Variants in PDE12 observed in about 807,000 individuals in gnomAD.
PDE12 encodes phosphodiesterase 12.
A neutral mutation model predicts 45.4 loss-of-function variants in PDE12; 26 were observed. The observed-to-expected ratio is 0.57, with a 90% CI of 0.42 to 0.79. The LOEUF is 0.79. Ranked by LOEUF, PDE12 falls within the 30% of genes least tolerant of loss-of-function variation. The pLI, the probability that PDE12 is intolerant of heterozygous loss-of-function variation, is 0.00. For synonymous variants in PDE12, 283 were observed against 323.9 expected, an observed-to-expected ratio of 0.87 and a Z score of 1.36; for missense variants, 668 against 790.0, an observed-to-expected ratio of 0.85 and a Z score of 1.85.
the PDE12 span, among the ~76,000 whole-genome samples, chr3:57,636,936 CAAAAA>C: frequency 4.0e-4 from 21 of 52,008 alleles, no homozygotes; most frequent in East Asian, 6.4e-4. Context: ...GACTCTGTCT[CAAAAA>C]AAAAAAAAAA....
the PDE12 span, chr3:57,584,384 CAATGGTAGG>C: frequency 6.2e-7 from 1 of 1,604,980 alleles, no homozygotes; most frequent in African/African-American, 1.3e-5. Flanking sequence ...ACTTTCTTAC[CAATGGTAGG>C]AATGGTGGTG....
At chr3:57,630,625 T>G in the PDE12 span, 55 of 1,532,286 alleles carry the variant, frequency 3.6e-5, 1 homozygote, top group African/African-American at 7.3e-4. Flanking sequence ...TAGTAGAATT[T>G]TTTAAAAAGA....
At chr3:57,641,902 C>T in the PDE12 span, among the ~76,000 whole-genome samples, 1 of 151,906 alleles carries the variant, frequency 6.6e-6, no homozygotes, top group Non-Finnish European at 1.5e-5. Context: ...CCAGGCAACA[C>T]GTTTTACACT....
chr3:57,566,361 CACATTTGTCCATTCATTAGTTGACAG>C lies in PDE12; in HGVS notation c.*6365_*6390del, dbSNP rs1272350156. On this transcript the variant is annotated 3_prime_UTR_variant, in exon 3 of 3. Coordinates refer to ENST00000311180, the MANE Select transcript of PDE12 (RefSeq NM_177966.7). ...TGAATGTTCCATCTTATGGACGTAC[CACATTTGTCCATTCATTAGTTGACAG>C]ACATTTGAATTGCTTCCACTTCCTG... 1.3e-5 allele frequency: 2 copies of C among 152,088 alleles called. No homozygotes were observed. Among genetic ancestry groups the C allele is most frequent in the Non-Finnish European group, 2.9e-5 (2 of 68,028 alleles). 9.4% of individuals were successfully genotyped at this position (152,088 alleles called of 1,614,324 possible).
chr3:57,577,006 A>G, the PDE12 span, among the ~76,000 whole-genome samples: 2 of 151,984 alleles, frequency 1.3e-5, no homozygotes, highest in East Asian at 3.9e-4. Flanking sequence ...GAGCTAAATC[A>G]GATATCCTCA....
the PDE12 span, among the ~76,000 whole-genome samples, chr3:57,580,750 G>T: frequency 6.7e-6 from 1 of 149,888 alleles, no homozygotes; most frequent in Non-Finnish European, 1.5e-5. Context: ...ATTTTATTTT[G>T]ACTGCTAACT....
the PDE12 span, among the ~76,000 whole-genome samples, chr3:57,623,675 T>C: frequency 6.6e-6 from 1 of 152,058 alleles, no homozygotes; most frequent in Non-Finnish European, 1.5e-5. Context: ...CAAGACTCCC[T>C]CTCAAAAAAA....
the PDE12 span, among the ~76,000 whole-genome samples, chr3:57,616,214 C>T: frequency 2.0e-5 from 3 of 152,074 alleles, no homozygotes; most frequent in South Asian, 2.1e-4. Context: ...CTCCCAGCTA[C>T]TCAGGAGGCT....
At chr3:57,630,133 C>A in the PDE12 span, among the ~76,000 whole-genome samples, 2 of 152,342 alleles carry the variant, frequency 1.3e-5, no homozygotes, top group East Asian at 3.9e-4. Flanking sequence ...GTTGGCTCCA[C>A]TACTTAGCAG....
At chr3:57,617,811 G>A in the PDE12 span, among the ~76,000 whole-genome samples, 3 of 151,810 alleles carry the variant, frequency 2.0e-5, no homozygotes, top group African/African-American at 7.3e-5. Flanking sequence ...AGGCTGCAGT[G>A]AGCTGAGATA....
At chr3:57,585,020 C>T in the PDE12 span, among the ~76,000 whole-genome samples, 5 of 152,154 alleles carry the variant, frequency 3.3e-5, no homozygotes, top group African/African-American at 9.6e-5. Context: ...CCCACCACCA[C>T]GCCCGGCTAA....
the PDE12 span, among the ~76,000 whole-genome samples, chr3:57,643,474 G>C: frequency 6.6e-6 from 1 of 152,104 alleles, no homozygotes; most frequent in Non-Finnish European, 1.5e-5. Flanking sequence ...ATATTGGCTA[G>C]AAAGATATAT....
chr3:57,556,988 C>T lies in PDE12; in HGVS notation c.609C>T (p.Pro203=), dbSNP rs2069669693. 2.5e-6 allele frequency: 4 copies of T among 1,614,146 alleles called. No homozygotes were observed. The highest frequency in any genetic ancestry group is 3.3e-5 in the Admixed American group (2 of 60,022). ...SLFRWYKEAK[P]GAAEPEVGVP... is the part of the protein sequence containing the mutation. ...TCCGCTGGTATAAGGAAGCCAAGCC[C>T]GGAGCGGCGGAGCCCGAGGTCGGTG... Residue 203 remains proline (P), a synonymous_variant, in exon 1 of 3, where the codon CCC becomes CCT. Transcript: ENST00000311180. The surrounding 1 kb of genome is among the most constrained non-coding windows in gnomAD (Gnocchi z 5.0).
the PDE12 span, among the ~76,000 whole-genome samples, chr3:57,615,854 C>T: frequency 1.3e-5 from 2 of 151,632 alleles, no homozygotes; most frequent in African/African-American, 2.4e-5. Context: ...ATAACCAAAA[C>T]GTGGTTATTT....
At chr3:57,567,659 A>C (rs1393133893), downstream of PDE12, among the ~76,000 whole-genome samples, 1 of 152,184 alleles carries the variant, frequency 6.6e-6, no homozygotes, top group East Asian at 1.9e-4. Context: ...ATCCTCAGGT[A>C]ATGAACTTAC....
the PDE12 span, among the ~76,000 whole-genome samples, chr3:57,653,526 G>A: frequency 1.6e-4 from 24 of 151,974 alleles, no homozygotes; most frequent in Non-Finnish European, 2.4e-4. Flanking sequence ...CGGGCAGATC[G>A]TGAGGTCAGG....
chr3:57,591,154 G>A, the PDE12 span, among the ~76,000 whole-genome samples: 1 of 152,134 alleles, frequency 6.6e-6, no homozygotes, highest in Non-Finnish European at 1.5e-5. Context: ...AAATGGAAAT[G>A]TTTGTCAGGT....
At chr3:57,581,484 G>A in the PDE12 span, among the ~76,000 whole-genome samples, 1 of 152,164 alleles carries the variant, frequency 6.6e-6, no homozygotes, top group Non-Finnish European at 1.5e-5. Context: ...GATTAGCAAG[G>A]TTTTACTTCA....
At chr3:57,580,405 C>G in the PDE12 span, among the ~76,000 whole-genome samples, 1 of 151,774 alleles carries the variant, frequency 6.6e-6, no homozygotes, top group Non-Finnish European at 1.5e-5. Flanking sequence ...TTTGTTTCTT[C>G]TTTTTTTCAA....
Sources: gnomAD v4.1 joint callset for allele counts (sites outside exome capture counted in the v4.1 genomes callset) on GRCh38, gnomAD v4.1.1 for gene constraint, Gnocchi (gnomAD v3.1) non-coding constraint, MANE v1.5 for transcripts, NCBI Gene and HGNC (gene_info 2026-07-23, HGNC 2026-07-21) for gene names.